The following AK5 variants were observed in gnomAD, a reference collection of about 807,000 sequenced individuals.
AK5 encodes adenylate kinase isoenzyme 5.
A neutral mutation model predicts 69.5 loss-of-function variants in AK5; 27 were observed. That is an observed-to-expected ratio of 0.39 (90% CI 0.29 to 0.54). AK5 has a LOEUF of 0.54. Among genes scored for constraint, AK5 ranks in the 20% least tolerant of loss-of-function variants. The probability of loss-of-function intolerance (pLI) is 0.71; values close to 1 mark genes in which losing one functional copy is unlikely to be tolerated. For missense variants in AK5, 531 were observed against 700.4 expected (o/e 0.76, Z 2.73); for synonymous variants, 260 against 244.4 (o/e 1.06, Z -0.60).
At chr1:77,528,830 C>T (rs999764459) in intron 12 of AK5, among the ~76,000 whole-genome samples, 1 of 152,196 alleles carries the variant, frequency 6.6e-6, no homozygotes, top group Non-Finnish European at 1.5e-5. Flanking sequence ...GTGAACAGGC[C>T]TGTATTTGGA....
intron 12 of AK5, among the ~76,000 whole-genome samples, chr1:77,525,392 G>A (rs992015850): frequency 3.3e-5 from 5 of 152,198 alleles, no homozygotes; most frequent in Admixed American, 2.6e-4. Context: ...AAAGAAAAGA[G>A]GTTATTTTGG....
chr1:77,535,547 CCTTT>C (rs1011073881), intron 12 of AK5, among the ~76,000 whole-genome samples: 1 of 152,184 alleles, frequency 6.6e-6, no homozygotes, highest in Non-Finnish European at 1.5e-5. Context: ...CATACATACT[CCTTT>C]CTTCTCAGTG....
intron 6 of AK5, among the ~76,000 whole-genome samples, chr1:77,400,080 T>C (rs1401368669): frequency 6.6e-6 from 1 of 152,138 alleles, no homozygotes; most frequent in African/African-American, 2.4e-5. Flanking sequence ...AATCACCTAC[T>C]AAGGTCCCCA....
At chr1:77,454,734 C>T (rs184316843) in intron 8 of AK5, among the ~76,000 whole-genome samples, 2 of 152,240 alleles carry the variant, frequency 1.3e-5, no homozygotes, top group Admixed American at 6.5e-5. Context: ...GATTTCATCT[C>T]GCACACAAAT....
Position 77,444,342 on chromosome 1 carries a change from C to T in AK5, c.1059+26627C>T, listed in dbSNP as rs12094209. Among the ~76,000 whole-genome samples the T allele has an allele frequency of 1.8e-3, 96 of 52,796 alleles. 6 individuals carry two copies. The highest frequency in any genetic ancestry group is 2.7e-3 in the African/African-American group (35 of 13,070). 34.6% of individuals were successfully genotyped at this position (52,796 alleles called of 152,430 possible). Reference sequence around the variant, plus strand: ...TATGTGTATATATATAGTATATATACACAATATATGTGTATATATAGTATA... The same window carrying T: ...TATGTGTATATATATAGTATATATATACAATATATGTGTATATATAGTATA... On this transcript the variant is annotated intron_variant, in intron 8 of 13. Coordinates refer to ENST00000354567, the MANE Select transcript of AK5 (RefSeq NM_174858.3).
At chr1:77,486,189 C>G in intron 9 of AK5, 119 bp from the exon 10 acceptor site, 1 of 647,926 alleles carries the variant, frequency 1.5e-6, no homozygotes, top group Non-Finnish European at 2.7e-6. Flanking sequence ...CACATTTATT[C>G]AACTTCAAGC....
chr1:77,444,962 G>A (rs1652654683), intron 8 of AK5, among the ~76,000 whole-genome samples: 1 of 152,032 alleles, frequency 6.6e-6, no homozygotes, highest in Non-Finnish European at 1.5e-5. Context: ...TCACTTAGCA[G>A]AATGTCCTCC....
intron 1 of AK5, among the ~76,000 whole-genome samples, chr1:77,285,002 A>G (rs2602946): frequency 0.15 from 23,275 of 152,188 alleles, 2,116 homozygotes; most frequent in Non-Finnish European, 0.2. Flanking sequence ...GTTTTCTTTT[A>G]TCTCATATCA....
At chr1:77,313,890 C>A in intron 5 of AK5, 1 of 531,510 alleles carries the variant, frequency 1.9e-6, no homozygotes, top group East Asian at 5.5e-5. Context: ...AAGATTCTCC[C>A]TAAAGACACA....
chr1:77,488,767 G>A (rs1170023890), intron 10 of AK5, among the ~76,000 whole-genome samples: 2 of 152,170 alleles, frequency 1.3e-5, no homozygotes, highest in Non-Finnish European at 2.9e-5. Context: ...TTTGCTGGCA[G>A]CTGATTAGAT....
At chr1:77,548,144 C>T (rs1659630732) in intron 13 of AK5, among the ~76,000 whole-genome samples, 1 of 152,150 alleles carries the variant, frequency 6.6e-6, no homozygotes, top group South Asian at 2.1e-4. Context: ...ACAGACTGCA[C>T]GTACTATGGG....
Position 77,543,926 on chromosome 1 carries a change from TACAC to T in AK5, c.1620+7908_1620+7911del, listed in dbSNP as rs142574877. On this transcript the variant is annotated intron_variant, in intron 13 of 13. Transcript: ENST00000354567. ...ATATATTTATGTGTGTATGTGAGAG[TACAC>T]ACACACACACACACACACAGTCATG... 1.6e-4 allele frequency among the ~76,000 whole-genome samples: 23 copies of T among 147,924 alleles called. No homozygotes were observed. The South Asian group carries it at 2.8e-3, about 18-fold the overall frequency.
At chr1:77,546,542 T>G (rs1164986435) in intron 13 of AK5, among the ~76,000 whole-genome samples, 1 of 152,174 alleles carries the variant, frequency 6.6e-6, no homozygotes, top group Non-Finnish European at 1.5e-5. Context: ...AAACTCCATC[T>G]CTACTAACAT....
intron 8 of AK5, among the ~76,000 whole-genome samples, chr1:77,453,018 A>T (rs1374158139): frequency 6.6e-6 from 1 of 152,254 alleles, no homozygotes; most frequent in Non-Finnish European, 1.5e-5. Flanking sequence ...ATAGAGAATG[A>T]TATAACAAAC....
chr1:77,465,029 G>A (rs1038369497), intron 8 of AK5, among the ~76,000 whole-genome samples: 1 of 152,220 alleles, frequency 6.6e-6, no homozygotes, highest in Non-Finnish European at 1.5e-5. Context: ...AGAGGGAGCA[G>A]CGTCTTCCCT....
intron 2 of AK5, among the ~76,000 whole-genome samples, chr1:77,291,499 C>A (rs747264141): frequency 6.6e-6 from 1 of 152,104 alleles, no homozygotes; most frequent in Non-Finnish European, 1.5e-5. Context: ...TACCAACCCT[C>A]CCCTGCAAAT....
At chr1:77,373,465 G>A (rs945124907) in intron 6 of AK5, among the ~76,000 whole-genome samples, 1 of 152,150 alleles carries the variant, frequency 6.6e-6, no homozygotes, top group Non-Finnish European at 1.5e-5. Flanking sequence ...GATTGCTCAT[G>A]CCTGTAATCC....
intron 10 of AK5, among the ~76,000 whole-genome samples, chr1:77,512,697 A>G (rs1332131905): frequency 6.6e-6 from 1 of 152,156 alleles, no homozygotes; most frequent in Non-Finnish European, 1.5e-5. Context: ...TCATGCTGCT[A>G]TAAAGACACA....
chr1:77,479,148 A>G (rs1208739353), intron 8 of AK5, among the ~76,000 whole-genome samples: 1 of 151,122 alleles, frequency 6.6e-6, no homozygotes, highest in African/African-American at 2.4e-5. Context: ...AATTACCAAC[A>G]TATTACCCAA....
Sources: allele counts gnomAD v4.1 joint callset (sites outside exome capture counted in the v4.1 genomes callset), GRCh38; gene constraint gnomAD v4.1.1; transcripts MANE v1.5; gene names NCBI Gene and HGNC (gene_info 2026-07-23, HGNC 2026-07-21).